Variants in NKTR observed in about 807,000 individuals in gnomAD.
NKTR encodes natural killer cell triggering receptor.
A neutral mutation model predicts 156.3 loss-of-function variants in NKTR; 67 were observed. The observed-to-expected ratio is 0.43, with a 90% confidence interval of 0.35 to 0.53. The LOEUF (loss-of-function observed/expected upper bound fraction) is 0.53, where lower values mean the gene tolerates loss of function less well. Among genes scored for constraint, NKTR ranks in the 20% least tolerant of loss-of-function variants. NKTR has a pLI of 0.01. For synonymous variants in NKTR, 640 were observed against 596.6 expected (o/e 1.07, Z -1.06); for missense variants, 1,604 against 1,730.9 (o/e 0.93, Z 1.30).
At chr3:42,612,005 G>C (rs1170163070) in intron 2 of NKTR, among the ~76,000 whole-genome samples, 1 of 152,228 alleles carries the variant, frequency 6.6e-6, no homozygotes, top group Non-Finnish European at 1.5e-5. Context: ...GGAGGCTGAG[G>C]CAGGAGGATT....
In NKTR at chr3:42,636,985, T is replaced by C. The variant is rs750050443; in HGVS notation, c.1281T>C (p.His427=). The stretch of plus-strand genomic sequence containing the variant: ...GTACAGCAAGACACTCTGGCCACCA[T>C]AAAAAACGCAGAAAAGAAAAAAAGG... The part of the protein sequence containing the change: ...DLSTARHSGH[H]KKRRKEKKVK... The change falls in exon 13 of 17, where the codon CAT becomes CAC. Residue 427 remains histidine (H), a synonymous_variant. Transcript: ENST00000232978. The C allele has an allele frequency of 1.2e-6, 2 of 1,611,746 alleles. No homozygotes were observed. The highest frequency in any genetic ancestry group is 2.2e-5 in the East Asian group (1 of 44,804).
chr3:42,629,731 T>C (rs1157127598), intron 6 of NKTR: 2 of 984,942 alleles, frequency 2.0e-6, no homozygotes, highest in Middle Eastern at 5.2e-4. Context: ...ATTCATATAA[T>C]GTGAAGATCT....
intron 2 of NKTR, among the ~76,000 whole-genome samples, chr3:42,603,812 T>G (rs1705880203): frequency 6.6e-6 from 1 of 150,882 alleles, no homozygotes. Flanking sequence ...CTCGGCTCAG[T>G]GCAACCTCCG....
chr3:42,618,351 CAAA>C (rs370572858), intron 3 of NKTR, among the ~76,000 whole-genome samples: 7 of 73,782 alleles, frequency 9.5e-5, no homozygotes, highest in African/African-American at 4.6e-5. Context: ...GACTTTGTCT[CAAA>C]AAAAAAAAAA....
At chr3:42,619,238 G>A (rs954494228) in intron 4 of NKTR, 111 bp downstream of exon 4, 35 of 1,521,390 alleles carry the variant, frequency 2.3e-5, no homozygotes, top group South Asian at 9.1e-5. Flanking sequence ...ATAAAATGTG[G>A]TCAGTGAATA....
chr3:42,639,327 C>G lies in NKTR; in HGVS notation c.3623C>G (p.Thr1208Ser). ...AGCTTGGCTAGTGCTGGAGAAAGTA[C>G]CGGGAAGAAGGAGGTGGCTGAGAAG... ...SASLASAGESTGKKEVAEKSQ... is the reference protein window; with the variant it reads ...SASLASAGESSGKKEVAEKSQ... The change falls in exon 13 of 17, where the codon ACC becomes AGC. Residue 1208 changes from threonine (T) to serine (S), a missense_variant. By Grantham distance (58) the Thr-to-Ser change is moderately conservative (BLOSUM62 1). Transcript: ENST00000232978. 6.2e-7 allele frequency: 1 copy of G among 1,613,944 alleles called. No homozygotes were observed. The highest frequency in any genetic ancestry group is 8.5e-7 in the Non-Finnish European group (1 of 1,179,994).
chr3:42,635,005 T>G, intron 11 of NKTR: 1 of 453,706 alleles, frequency 2.2e-6, no homozygotes. Context: ...CCATCTCTTT[T>G]AATGCCTTGT....
At chr3:42,645,385 C>G (rs980986328) in intron 16 of NKTR, among the ~76,000 whole-genome samples, 2 of 152,094 alleles carry the variant, frequency 1.3e-5, no homozygotes, top group East Asian at 3.9e-4. Context: ...AAAACAGCTT[C>G]AAAAAGTCCA....
At chr3:42,644,908 A>G (rs1031005315) in intron 16 of NKTR, among the ~76,000 whole-genome samples, 2 of 151,966 alleles carry the variant, frequency 1.3e-5, no homozygotes, top group Non-Finnish European at 2.9e-5. Context: ...CCTTGCTCCT[A>G]AATTACTTGT....
chr3:42,638,195 A>G lies in NKTR; in HGVS notation c.2491A>G (p.Met831Val). 5.0e-6 allele frequency: 8 copies of G among 1,613,450 alleles called. No homozygotes were observed. Among genetic ancestry groups the G allele is most frequent in the Non-Finnish European group, 6.8e-6 (8 of 1,179,894 alleles). Residue 831 changes from methionine (M) to valine (V), a missense_variant, in exon 13 of 17, where the codon ATG (methionine) becomes GTG (valine). Transcript: ENST00000232978. ...CCAGGAAAAAGAGAAGCAGGGCCAA[A>G]TGGAAAGAACACATAATAAACAAGA... ...SAQEKEKQGQMERTHNKQEKN... is the reference protein window; with the variant it reads ...SAQEKEKQGQVERTHNKQEKN...
At chr3:42,614,033 C>A (rs1366535716) in intron 2 of NKTR, among the ~76,000 whole-genome samples, 1 of 152,120 alleles carries the variant, frequency 6.6e-6, no homozygotes, top group Non-Finnish European at 1.5e-5. Context: ...TTCTTGAACT[C>A]CTGGTTTCAA....
chr3:42,638,547 G>A lies in NKTR; in HGVS notation c.2843G>A (p.Trp948Ter). The A allele has an allele frequency of 6.2e-7, 1 of 1,613,848 alleles. No homozygotes were observed. Among genetic ancestry groups the A allele is most frequent in the East Asian group, 2.2e-5 (1 of 44,884 alleles). The stretch of plus-strand genomic sequence containing the variant: ...TCACTGCCTGATGATAATGGTGCTT[G>A]GAAATCAAGCAAACAGCGCACATCA... ...NTSLPDDNGA[W>*]KSSKQRTSTS... Residue 948 changes from tryptophan (W) to a stop codon, truncating the protein, a stop_gained, in exon 13 of 17, where the codon TGG becomes TAG. Coordinates refer to ENST00000232978, the MANE Select transcript of NKTR (RefSeq NM_005385.4). LOFTEE classifies it high-confidence loss of function.
chr3:42,602,374 G>A (rs531488902), intron 2 of NKTR: 1 of 152,242 alleles, frequency 6.6e-6, no homozygotes, highest in African/African-American at 2.4e-5. Context: ...ACACAATGAC[G>A]AAATTGCCTA....
intron 2 of NKTR, among the ~76,000 whole-genome samples, chr3:42,615,460 C>G (rs1050571432): frequency 6.6e-6 from 1 of 151,080 alleles, no homozygotes; most frequent in African/African-American, 2.4e-5. Context: ...CACATTTTAA[C>G]TGTTTTCAAG....
chr3:42,641,242 C>CT (rs1289656664), intron 13 of NKTR, among the ~76,000 whole-genome samples: 3 of 152,152 alleles, frequency 2.0e-5, no homozygotes, highest in African/African-American at 7.2e-5. Flanking sequence ...CAGGGTCTGG[C>CT]TTTATTATTT....
intron 2 of NKTR, among the ~76,000 whole-genome samples, chr3:42,616,726 TC>T (rs1267347406): frequency 1.3e-5 from 2 of 152,144 alleles, no homozygotes; most frequent in Admixed American, 1.3e-4. Flanking sequence ...CTCTTCTCTT[TC>T]TGCTCTCTCA....
At chr3:42,601,497 CTA>C (rs1705463470) in intron 2 of NKTR, 1 of 153,204 alleles carries the variant, frequency 6.5e-6, no homozygotes, top group Non-Finnish European at 1.5e-5. Context: ...AATTTTGCCT[CTA>C]TTTTTCCTTA....
chr3:42,635,557 T>A, intron 12 of NKTR, 191 bp downstream of exon 12: 1 of 434,926 alleles, frequency 2.3e-6, no homozygotes, highest in Non-Finnish European at 4.1e-6. Context: ...TAAATCAAAA[T>A]CCTGTTTTCC....
At chr3:42,635,057 T>TAAAAAAAA (rs58779310) in intron 11 of NKTR, 164 bp from the exon 12 acceptor site, 42 of 286,490 alleles carry the variant, frequency 1.5e-4, no homozygotes, top group Non-Finnish European at 2.0e-4. Flanking sequence ...AGTTAAAAAC[T>TAAAAAAAA]AAAAAAAAAA....
Sources: allele counts gnomAD v4.1 joint callset (sites outside exome capture counted in the v4.1 genomes callset), GRCh38; gene constraint gnomAD v4.1.1; transcripts MANE v1.5; gene names NCBI Gene and HGNC (gene_info 2026-07-23, HGNC 2026-07-21).